RAB39B: variants seen among roughly 807,000 people sequenced by gnomAD.
The protein encoded by RAB39B is ras-related protein Rab-39B.
For synonymous variants in RAB39B, 63 were observed against 67.5 expected (o/e 0.93, Z 0.33); for missense variants, 68 against 171.3 (o/e 0.40, Z 3.37).
chrX:155,264,342 G>T lies in RAB39B; in HGVS notation c.-54C>A. On this transcript the variant is annotated 5_prime_UTR_variant, in exon 1 of 2. Transcript: ENST00000369454. Reference sequence around the variant, plus strand: ...CGGACCGGGGACGGCGGGAGGGGGCGCCCCGCCGACGCCTCAGAGAGCGCG... The same window carrying T: ...CGGACCGGGGACGGCGGGAGGGGGCTCCCCGCCGACGCCTCAGAGAGCGCG... 9.1e-7 allele frequency: 1 copy of T among 1,095,557 alleles called. No homozygotes were observed. Among genetic ancestry groups the T allele is most frequent in the Non-Finnish European group, 1.3e-6 (1 of 791,757 alleles). 90.3% of individuals were successfully genotyped at this position (1,095,557 alleles called of 1,213,427 possible). A position where few individuals can be genotyped will look rare whatever the true frequency, so the allele number is the denominator to read the frequency against.
At chrX:155,262,673 G>T (rs192316095) in intron 1 of RAB39B, among the ~76,000 whole-genome samples, 1 of 112,191 alleles carries the variant, frequency 8.9e-6, no homozygotes, top group Non-Finnish European at 1.9e-5. Flanking sequence ...TGAAAAGACA[G>T]ATGATAAACT....
In RAB39B at chrX:155,260,117, T is replaced by G. The variant is rs1557314127; in HGVS notation, c.*686A>C. 1 of 112,516 alleles carries G rather than the reference T, an allele frequency of 8.9e-6. No individual in the cohort carries two copies. Among genetic ancestry groups the G allele is most frequent in the African/African-American group, 3.2e-5 (1 of 30,907 alleles). The allele number at this position is 112,516 out of a possible 1,213,427, so 9.3% of individuals were successfully genotyped here. A position where few individuals can be genotyped will look rare whatever the true frequency, so the allele number is the denominator to read the frequency against. On this transcript the variant is annotated 3_prime_UTR_variant, in exon 2 of 2. Transcript: ENST00000369454. ...TCTCTTTCCTAGTTATAGGGTAATT[T>G]GCATGGGACAATTTGTTTCATACAG...
chrX:155,262,776 TA>T (rs2074857578), intron 1 of RAB39B, among the ~76,000 whole-genome samples: 1 of 112,148 alleles, frequency 8.9e-6, no homozygotes, highest in Admixed American at 9.4e-5. Context: ...AATAAATAAA[TA>T]AGCAGTGGAT....
intron 1 of RAB39B, 22 bp downstream of exon 1, chrX:155,264,052 C>T (rs1275643671): frequency 8.4e-6 from 10 of 1,192,488 alleles, no homozygotes; most frequent in South Asian, 1.8e-5. Flanking sequence ...CCACTGCTTG[C>T]GGGCCCGGAC....
Position 155,259,729 on chromosome X carries a change from ATC to A in RAB39B, c.*1072_*1073del, listed in dbSNP as rs1295022001. ...TAAACAAATTCATAATCATTTATTC[ATC>A]TGACAGCAGTATGATGCAGTGAAAA... On this transcript the variant is annotated 3_prime_UTR_variant, in exon 2 of 2. Coordinates refer to ENST00000369454, the MANE Select transcript of RAB39B (RefSeq NM_171998.4). 8.9e-6 allele frequency: 1 copy of A among 112,331 alleles called. No individual in the cohort carries two copies. The highest frequency in any genetic ancestry group is 1.9e-5 in the Non-Finnish European group (1 of 53,291). 9.3% of individuals were successfully genotyped at this position (112,331 alleles called of 1,213,427 possible). A position where few individuals can be genotyped will look rare whatever the true frequency, so the allele number is the denominator to read the frequency against.
chrX:155,261,638 G>A (rs1177049907), intron 1 of RAB39B, among the ~76,000 whole-genome samples: 7 of 111,505 alleles, frequency 6.3e-5, no homozygotes, highest in Non-Finnish European at 1.3e-4. Context: ...GTGTTACCAT[G>A]AGGCAAAATG....
rs1253830467 is a variant in RAB39B at position 155,258,420 on chromosome X, G to A, written c.*2383C>T. ...CAGTTGTGGTCTTTGTTACAAGTTAGTTTATCTTTTCTTTACCTATGTAGT... is the reference window on the plus strand; with the variant it reads ...CAGTTGTGGTCTTTGTTACAAGTTAATTTATCTTTTCTTTACCTATGTAGT... On this transcript the variant is annotated 3_prime_UTR_variant, in exon 2 of 2. Transcript: ENST00000369454. 1 of 112,571 alleles carries A rather than the reference G, an allele frequency of 8.9e-6. No homozygotes were observed. The highest frequency in any genetic ancestry group is 3.2e-5 in the African/African-American group (1 of 31,017). 9.3% of individuals were successfully genotyped at this position (112,571 alleles called of 1,213,427 possible). A position where few individuals can be genotyped will look rare whatever the true frequency, so the allele number is the denominator to read the frequency against.
Position 155,260,935 on chromosome X carries a change from G to A in RAB39B, c.510C>T (p.Asp170=). 1 of 1,211,074 alleles carries A rather than the reference G, an allele frequency of 8.3e-7. No individual in the cohort carries two copies. Among genetic ancestry groups the A allele is most frequent in the Non-Finnish European group, 1.1e-6 (1 of 895,206 alleles). The stretch of plus-strand genomic sequence containing the variant: ...CCCCCCTTTTAACCAGCTCATATAT[G>A]TCTCTTGTCAGGTCTGTGAAGGCTT... The part of the protein sequence containing the change: ...VEKAFTDLTR[D]IYELVKRGEI... The change falls in exon 2 of 2, where the codon GAC becomes GAT. Residue 170 remains aspartate, a synonymous_variant. Transcript: ENST00000369454.
chrX:155,261,341 T>C (rs1181425603), intron 1 of RAB39B, 112 bp from the exon 2 acceptor site: 4 of 593,607 alleles, frequency 6.7e-6, no homozygotes, highest in Non-Finnish European at 1.1e-5. Context: ...TTAATAAAAA[T>C]GATTTTCTTT....
chrX:155,261,372 A>C, intron 1 of RAB39B, 143 bp from the exon 2 acceptor site: 1 of 509,710 alleles, frequency 2.0e-6, no homozygotes, highest in Non-Finnish European at 3.3e-6. Context: ...AAACAAAGGA[A>C]TACAAATGGC....
rs781849319 is a variant in RAB39B at position 155,258,608 on chromosome X, C to G, written c.*2195G>C. On this transcript the variant is annotated 3_prime_UTR_variant, in exon 2 of 2. Coordinates refer to ENST00000369454, the MANE Select transcript of RAB39B (RefSeq NM_171998.4). ...TTTAAGCAATTAAGCTCAGCCACCT[C>G]TGCTGGATTTATGCTGAATATTTTT... 8.9e-6 allele frequency: 1 copy of G among 112,600 alleles called. No homozygotes were observed. Among genetic ancestry groups the G allele is most frequent in the Admixed American group, 9.4e-5 (1 of 10,642 alleles). The allele number at this position is 112,600 out of a possible 1,213,427, so 9.3% of individuals were successfully genotyped here.
chrX:155,262,867 G>C (rs1239782988), intron 1 of RAB39B, among the ~76,000 whole-genome samples: 1 of 112,074 alleles, frequency 8.9e-6, no homozygotes, highest in African/African-American at 3.2e-5. Flanking sequence ...AAATGCAATC[G>C]CAAGTTCAAA....
rs1261903538 is a variant in RAB39B at position 155,261,343 on chromosome X, ATTTTCT to A, written c.216-120_216-115del. On this transcript the variant is annotated intron_variant, in intron 1 of 1. Coordinates refer to ENST00000369454, the MANE Select transcript of RAB39B (RefSeq NM_171998.4). ...GTGACACAGTCCTTTAATAAAAATGATTTTCTTTTTTTTTAAAAAAACAAAGGAATA... is the reference window on the plus strand; with the variant it reads ...GTGACACAGTCCTTTAATAAAAATGATTTTTTTTAAAAAAACAAAGGAATA... The A allele has an allele frequency of 6.8e-6, 4 of 590,264 alleles. No individual in the cohort carries two copies. In the African/African-American group the frequency reaches 9.2e-5, roughly 14 times the overall value. 48.6% of individuals were successfully genotyped at this position (590,264 alleles called of 1,213,427 possible).
At chrX:155,263,988 C>G in intron 1 of RAB39B, 86 bp downstream of exon 1, 3 of 927,173 alleles carry the variant, frequency 3.2e-6, no homozygotes, top group Non-Finnish European at 4.7e-6. Flanking sequence ...TGGACCGCAC[C>G]TAGAACCAGG....
At position 155,264,324 on chromosome X, in the gene RAB39B, G is replaced by A. The variant is rs376164266; in HGVS notation, c.-36C>T. 18 of 1,165,523 alleles carry A rather than the reference G, an allele frequency of 1.5e-5. No homozygotes were observed. Among genetic ancestry groups the A allele is most frequent in the Non-Finnish European group, 2.0e-5 (17 of 853,964 alleles). Reference sequence around the variant, plus strand: ...CTGCAGGTCTCCTTGGCCCGGACCGGGGACGGCGGGAGGGGGCGCCCCGCC... The same window carrying A: ...CTGCAGGTCTCCTTGGCCCGGACCGAGGACGGCGGGAGGGGGCGCCCCGCC... On this transcript the variant is annotated 5_prime_UTR_variant, in exon 1 of 2. Coordinates refer to ENST00000369454, the MANE Select transcript of RAB39B (RefSeq NM_171998.4).
chrX:155,262,094 A>G (rs1328089893), intron 1 of RAB39B, among the ~76,000 whole-genome samples: 3 of 111,724 alleles, frequency 2.7e-5, no homozygotes, highest in African/African-American at 9.8e-5. Flanking sequence ...AATATACATT[A>G]TGGCACTTTG....
At chrX:155,261,394 C>A (rs1367896848) in intron 1 of RAB39B, among the ~76,000 whole-genome samples, 165 bp from the exon 2 acceptor site, 2 of 111,072 alleles carry the variant, frequency 1.8e-5, no homozygotes, top group African/African-American at 6.6e-5. Flanking sequence ...TTCCATACTA[C>A]TACTAATATG....
At chrX:155,261,939 G>A (rs1557314330) in intron 1 of RAB39B, among the ~76,000 whole-genome samples, 1 of 110,262 alleles carries the variant, frequency 9.1e-6, no homozygotes, top group African/African-American at 3.3e-5. Flanking sequence ...CTGTGGGAAT[G>A]GGAAAAAGAG....
chrX:155,260,651 C>T lies in RAB39B; in HGVS notation c.*152G>A. On this transcript the variant is annotated 3_prime_UTR_variant, in exon 2 of 2. Transcript: ENST00000369454. ...ACAGCACTCAGGCACCCCCATCCAC[C>T]CGCACACGAGTCTGTCAGAGTCCCC... 8.4e-6 allele frequency: 5 copies of T among 596,199 alleles called. No homozygotes were observed. Among genetic ancestry groups the T allele is most frequent in the Admixed American group, 2.4e-5 (1 of 41,168 alleles). 49.1% of individuals were successfully genotyped at this position (596,199 alleles called of 1,213,427 possible).
Sources: allele counts gnomAD v4.1 joint callset (sites outside exome capture counted in the v4.1 genomes callset), GRCh38; gene constraint gnomAD v4.1.1; transcripts MANE v1.5; gene names NCBI Gene and HGNC (gene_info 2026-07-23, HGNC 2026-07-21).